SHPRH: variants seen among roughly 807,000 people sequenced by gnomAD.
SHPRH encodes the protein E3 ubiquitin-protein ligase SHPRH.
Under a neutral mutation model 202.5 loss-of-function variants are expected in SHPRH, and 106 were observed. That is an observed-to-expected ratio of 0.52 (90% CI 0.45 to 0.62). The LOEUF is 0.62. Among genes scored for constraint, SHPRH ranks in the 20% least tolerant of loss-of-function variants. The probability of loss-of-function intolerance (pLI) is 0.00; values close to 1 mark genes in which losing one functional copy is unlikely to be tolerated. For synonymous variants in SHPRH, 729 were observed against 686.0 expected, an observed-to-expected ratio of 1.06 and a Z score of -0.98; for missense variants, 1,710 against 2,020.0, an observed-to-expected ratio of 0.85 and a Z score of 2.94.
chr6:145,879,256 T>TGATACATTTTAAAAAAGAAATAG (rs1311761415), intron 2 of SHPRH, among the ~76,000 whole-genome samples: 1 of 152,156 alleles, frequency 6.6e-6, no homozygotes, highest in Non-Finnish European at 1.5e-5. Flanking sequence ...TTAAATTCTT[T>TGATACATTTTAAAAAAGAAATAG]GATACATTTT....
intron 23 of SHPRH, among the ~76,000 whole-genome samples, chr6:145,915,054 A>C (rs1217620728): frequency 6.7e-6 from 1 of 149,434 alleles, no homozygotes; most frequent in East Asian, 1.9e-4. Flanking sequence ...AAATTATCTT[A>C]AAATAATTAC....
intron 9 of SHPRH, 126 bp from the exon 10 acceptor site, chr6:145,942,000 T>A (rs1786833964): frequency 1.8e-6 from 2 of 1,110,818 alleles, no homozygotes; most frequent in East Asian, 5.0e-5. Flanking sequence ...ATGAGACAGA[T>A]CCCATACCTG....
At chr6:145,922,971 TTGAGTGAG>T in intron 18 of SHPRH, 135 bp from the exon 19 acceptor site, 7 of 1,048,196 alleles carry the variant, frequency 6.7e-6, no homozygotes, top group Non-Finnish European at 9.2e-6. Flanking sequence ...ACAGCAACAT[TTGAGTGAG>T]TTTTCCTTCA....
intron 14 of SHPRH, 193 bp from the exon 15 acceptor site, chr6:145,927,470 T>C (rs1562330771): frequency 9.4e-6 from 4 of 423,516 alleles, no homozygotes; most frequent in Non-Finnish European, 1.7e-5. Flanking sequence ...GTTCCTTTTT[T>C]AATTCCATGG....
chr6:145,882,432 C>A (rs1432010041), downstream of SHPRH, among the ~76,000 whole-genome samples: 1 of 152,124 alleles, frequency 6.6e-6, no homozygotes, highest in Non-Finnish European at 1.5e-5. Flanking sequence ...GTGAAAAGCA[C>A]TGGGGAAGTT....
chr6:145,933,341 A>G (rs372546901), intron 13 of SHPRH, 163 bp from the exon 14 acceptor site: 27 of 967,768 alleles, frequency 2.8e-5, no homozygotes, highest in East Asian at 1.6e-4. Flanking sequence ...TTTTTCCCAC[A>G]TAAGTACCTT....
chr6:145,857,842 G>A, the SHPRH span, among the ~76,000 whole-genome samples: 2 of 152,020 alleles, frequency 1.3e-5, no homozygotes, highest in Non-Finnish European at 2.9e-5. Context: ...ACTATATTTT[G>A]CTTGCAAGAA....
chr6:145,927,932 A>G (rs1157874925), intron 14 of SHPRH, among the ~76,000 whole-genome samples: 1 of 151,978 alleles, frequency 6.6e-6, no homozygotes, highest in Non-Finnish European at 1.5e-5. Flanking sequence ...TTCAAAAAGT[A>G]TCGATTAAAG....
intron 2 of SHPRH, among the ~76,000 whole-genome samples, chr6:145,865,291 G>T (rs1779727139): frequency 6.6e-6 from 1 of 152,052 alleles, no homozygotes; most frequent in South Asian, 2.1e-4. Context: ...CTCATGGTGA[G>T]ATTAGTGCCA....
At chr6:145,913,633 G>T in intron 23 of SHPRH, 84 bp from the exon 24 acceptor site, 2 of 1,033,176 alleles carry the variant, frequency 1.9e-6, no homozygotes, top group Non-Finnish European at 2.8e-6. Flanking sequence ...ATTTATGGAA[G>T]TGAATACTGG....
chr6:145,889,909 A>AC (rs907223512), intron 28 of SHPRH, among the ~76,000 whole-genome samples: 19 of 152,322 alleles, frequency 1.2e-4, no homozygotes, highest in African/African-American at 4.6e-4. Flanking sequence ...CCTGCTTATT[A>AC]CTGGATGACA....
chr6:145,866,421 A>G (rs530608239), intron 2 of SHPRH, among the ~76,000 whole-genome samples: 1 of 152,366 alleles, frequency 6.6e-6, no homozygotes, highest in East Asian at 1.9e-4. Flanking sequence ...TAAACGAGTT[A>G]TAATTAACTG....
chr6:145,865,917 TAG>T (rs1201991425), intron 2 of SHPRH, among the ~76,000 whole-genome samples: 1 of 152,244 alleles, frequency 6.6e-6, no homozygotes, highest in Non-Finnish European at 1.5e-5. Context: ...GACAATGTGG[TAG>T]AGTGAAACAA....
intron 11 of SHPRH, among the ~76,000 whole-genome samples, chr6:145,938,362 A>G (rs1045790675): frequency 6.6e-6 from 1 of 152,214 alleles, no homozygotes; most frequent in African/African-American, 2.4e-5. Context: ...GCCAGCCTCT[A>G]GAATTGCGAG....
chr6:145,886,834 A>G, intron 29 of SHPRH, 47 bp from the exon 30 acceptor site: 2 of 1,581,906 alleles, frequency 1.3e-6, no homozygotes, highest in Non-Finnish European at 1.7e-6. Flanking sequence ...ACCCCAAGCC[A>G]TCAGCGATTA....
At position 145,916,685 on chromosome 6, in the gene SHPRH, C is replaced by T. The variant is rs545788697; in HGVS notation, c.4254+1446G>A. Among the ~76,000 whole-genome samples the T allele has an allele frequency of 7.2e-5, 11 of 152,062 alleles. No individual in the cohort carries two copies. The South Asian group carries it at 1.2e-3, about 17-fold the overall frequency. On this transcript the variant is annotated intron_variant, in intron 23 of 29. Coordinates refer to ENST00000275233, the MANE Select transcript of SHPRH (RefSeq NM_001042683.3). ...AAATATTTTAACATATAAACAATGA[C>T]GTACAAGATAACTGTCTTTTTATTT...
Position 145,927,179 on chromosome 6 carries a change from CTT to C in SHPRH, c.3201+8_3201+9del. 1 of 1,609,402 alleles carries C rather than the reference CTT, an allele frequency of 6.2e-7. No homozygotes were observed. The highest frequency in any genetic ancestry group is 8.5e-7 in the Non-Finnish European group (1 of 1,176,894). On this transcript the variant is annotated splice_region_variant and intron_variant, in intron 15 of 29. Transcript: ENST00000275233. ...CAGAATACCTATGAAACTGTTTAGT[CTT>C]TACTTACTTGAAGTGAATCAGTTTT...
chr6:145,886,660 A>C lies in SHPRH; in HGVS notation c.*31T>G. The C allele has an allele frequency of 6.2e-7, 1 of 1,606,626 alleles. No homozygotes were observed. Among genetic ancestry groups the C allele is most frequent in the African/African-American group, 1.3e-5 (1 of 74,458 alleles). ...TACAGCTATGAAAGTTTATTAATAC[A>C]CTAAAGTCCATGGAATGAATCAAGT... On this transcript the variant is annotated 3_prime_UTR_variant, in exon 30 of 30. Coordinates refer to ENST00000275233, the MANE Select transcript of SHPRH (RefSeq NM_001042683.3).
At chr6:145,950,198 T>G (rs577907767) in intron 4 of SHPRH, 66 bp downstream of exon 4, 1 of 1,332,100 alleles carries the variant, frequency 7.5e-7, no homozygotes, top group East Asian at 2.3e-5. Flanking sequence ...AATTTCACCC[T>G]GCCCTAATTG....
Sources: allele counts gnomAD v4.1 joint callset (sites outside exome capture counted in the v4.1 genomes callset), GRCh38; gene constraint gnomAD v4.1.1; transcripts MANE v1.5; gene names NCBI Gene and HGNC (gene_info 2026-07-23, HGNC 2026-07-21).